UBE3C: variants seen among roughly 807,000 people sequenced by gnomAD.
UBE3C encodes the protein ubiquitin protein ligase E3C.
Under a neutral mutation model 129.4 loss-of-function variants are expected in UBE3C, and 42 were observed. The observed-to-expected ratio is 0.32, with a 90% CI of 0.25 to 0.42. UBE3C has a LOEUF of 0.42. UBE3C is among the 10% of genes least tolerant of loss of function. The probability of loss-of-function intolerance (pLI) is 1.00; values close to 1 mark genes in which losing one functional copy is unlikely to be tolerated. For synonymous variants in UBE3C, 510 were observed against 492.4 expected (o/e 1.04, Z -0.47); for missense variants, 1,049 against 1,319.1 (o/e 0.80, Z 3.17).
chr7:157,161,830 G>A (rs914397011), intron 1 of UBE3C, among the ~76,000 whole-genome samples: 7 of 152,164 alleles, frequency 4.6e-5, no homozygotes, highest in South Asian at 2.1e-4. Flanking sequence ...CCAGCAGTTC[G>A]GGAGGCCAAG....
intron 19 of UBE3C, among the ~76,000 whole-genome samples, chr7:157,249,253 C>T (rs563835064): frequency 7.2e-5 from 11 of 152,220 alleles, no homozygotes; most frequent in Non-Finnish European, 1.3e-4. Flanking sequence ...CCCCACCTCC[C>T]GCAGGCAGCC....
At chr7:157,157,991 G>C (rs191610927) in intron 1 of UBE3C, among the ~76,000 whole-genome samples, 1 of 149,208 alleles carries the variant, frequency 6.7e-6, no homozygotes, top group African/African-American at 2.5e-5. Context: ...TATATATAGA[G>C]AGAGAGAGAG....
chr7:157,171,722 T>C (rs1424305491), intron 4 of UBE3C, among the ~76,000 whole-genome samples: 1 of 88,900 alleles, frequency 1.1e-5, no homozygotes, highest in African/African-American at 4.7e-5. Context: ...TTTTTTTTTT[T>C]TTGAGACAGA....
intron 15 of UBE3C, 104 bp downstream of exon 15, chr7:157,220,880 T>C (rs1340237071): frequency 7.6e-7 from 1 of 1,310,836 alleles, no homozygotes; most frequent in East Asian, 2.6e-5. Flanking sequence ...TATACAGCCA[T>C]GTCACTCCCA....
intron 13 of UBE3C, 116 bp from the exon 14 acceptor site, chr7:157,216,751 C>T (rs1795585617): frequency 2.6e-6 from 2 of 765,410 alleles, no homozygotes; most frequent in East Asian, 2.7e-5. Flanking sequence ...TGGTGTCCGG[C>T]TCGACCTGGG....
chr7:157,232,900 A>G (rs1341001968), intron 18 of UBE3C, among the ~76,000 whole-genome samples: 2 of 152,200 alleles, frequency 1.3e-5, no homozygotes, highest in African/African-American at 4.8e-5. Context: ...TTAAAATATA[A>G]CTCACATTAT....
chr7:157,195,506 T>C (rs1809093545), intron 10 of UBE3C, among the ~76,000 whole-genome samples: 3 of 152,168 alleles, frequency 2.0e-5, no homozygotes, highest in Non-Finnish European at 2.9e-5. Context: ...GCCTGGCTGG[T>C]TTTGTAAATT....
chr7:157,231,559 C>T (rs6962804), intron 18 of UBE3C: 16 of 544,394 alleles, frequency 2.9e-5, no homozygotes, highest in Non-Finnish European at 4.5e-5. Context: ...TGCCAGTATT[C>T]AGAGGTGGAA....
intron 13 of UBE3C, among the ~76,000 whole-genome samples, chr7:157,209,116 G>T (rs1292805042): frequency 6.6e-6 from 1 of 152,202 alleles, no homozygotes. Context: ...CATGTTTGGA[G>T]AAAGATGTCA....
At chr7:157,167,411 AT>A (rs1468629028) in intron 2 of UBE3C, among the ~76,000 whole-genome samples, 1 of 152,216 alleles carries the variant, frequency 6.6e-6, no homozygotes, top group Non-Finnish European at 1.5e-5. Flanking sequence ...CTGAGTTTGA[AT>A]TCTGCTTTAC....
At chr7:157,164,959 A>G (rs1460819992) in intron 2 of UBE3C, among the ~76,000 whole-genome samples, 2 of 152,146 alleles carry the variant, frequency 1.3e-5, no homozygotes, top group African/African-American at 2.4e-5. Flanking sequence ...TGGTGCTGAC[A>G]TTTTTGAACA....
Position 157,156,575 on chromosome 7 carries a change from G to A in UBE3C, c.67-7235G>A, listed in dbSNP as rs533471982. 5.9e-5 allele frequency among the ~76,000 whole-genome samples: 9 copies of A among 151,964 alleles called. No homozygotes were observed. In the South Asian group the frequency reaches 1.9e-3, roughly 32 times the overall value. On this transcript the variant is annotated intron_variant, in intron 1 of 22. Transcript: ENST00000348165. ...ACTACCCTGGCCTCCAAAACTGCTA[G>A]CGTTACAGGCATGAGCACCGCATCC...
chr7:157,206,963 A>C (rs1463087793), intron 11 of UBE3C, among the ~76,000 whole-genome samples: 1 of 152,240 alleles, frequency 6.6e-6, no homozygotes, highest in East Asian at 1.9e-4. Context: ...ACCAAAAGTT[A>C]AGTCGCTGGA....
chr7:157,258,175 G>T (rs1331074582), intron 22 of UBE3C, among the ~76,000 whole-genome samples: 1 of 151,808 alleles, frequency 6.6e-6, no homozygotes, highest in Non-Finnish European at 1.5e-5. Flanking sequence ...TCCAACTCCT[G>T]GGCCCAAGAA....
chr7:157,192,396 G>C (rs1028385690), intron 10 of UBE3C: 7 of 700,528 alleles, frequency 1.0e-5, no homozygotes, highest in Admixed American at 9.0e-5. Flanking sequence ...ACCCTTACGG[G>C]GAAGACCATC....
At position 157,182,300 on chromosome 7, in the gene UBE3C, C is replaced by A; in HGVS notation, c.963C>A (p.Phe321Leu). 1 of 1,613,686 alleles carries A rather than the reference C, an allele frequency of 6.2e-7. No individual in the cohort carries two copies. Residue 321 changes from phenylalanine (F) to leucine (L), a missense_variant, in exon 8 of 23, where the codon TTC (phenylalanine) becomes TTA (leucine). This residue lies in a region of UBE3C where 489 missense variants were observed against 513.8 expected (regional missense o/e 0.95). Transcript: ENST00000348165. ...KSGGAPWLFY[F>L]VLTVGENYLG... ...GTGGAGCACCCTGGCTTTTCTATTT[C>A]GTTTTAACTGTTGGCGAAAATTATT...
chr7:157,173,531 G>A (rs1243550062), intron 4 of UBE3C, among the ~76,000 whole-genome samples: 1 of 151,956 alleles, frequency 6.6e-6, no homozygotes, highest in Non-Finnish European at 1.5e-5. Flanking sequence ...CAACATATAT[G>A]GCTATTTCTT....
intron 13 of UBE3C, among the ~76,000 whole-genome samples, chr7:157,209,724 A>G (rs941253521): frequency 2.6e-5 from 4 of 152,222 alleles, no homozygotes; most frequent in Admixed American, 6.5e-5. Flanking sequence ...TGACAGGCTT[A>G]TCTTTAGTAT....
Position 157,182,250 on chromosome 7 carries a change from G to C in UBE3C, c.913G>C (p.Glu305Gln). 1.2e-6 allele frequency: 2 copies of C among 1,614,232 alleles called. No individual in the cohort carries two copies. Among genetic ancestry groups the C allele is most frequent in the Non-Finnish European group, 8.5e-7 (1 of 1,180,036 alleles). Residue 305 changes from glutamate to glutamine, a missense_variant, in exon 8 of 23, where the codon GAG (glutamate) becomes CAG (glutamine). Glu to Gln is a conservative substitution (Grantham distance 29). Around this residue, in one of 4 missense-constraint regions of UBE3C, gnomAD observed 489 missense variants for 513.8 expected, o/e 0.95. Transcript: ENST00000348165. ...CTTTCTGAATGCACTGTTGTTAATA[G>C]AGAGTAGATGTTCAAGAAAGAGTGG... Reference protein sequence around the residue: ...EPFLNALLLIESRCSRKSGGA... With the variant: ...EPFLNALLLIQSRCSRKSGGA...
Sources: gnomAD v4.1 joint callset for allele counts (sites outside exome capture counted in the v4.1 genomes callset) on GRCh38, gnomAD v4.1.1 for gene constraint, gnomAD v4.1.1 regional missense constraint, MANE v1.5 for transcripts, NCBI Gene and HGNC (gene_info 2026-07-23, HGNC 2026-07-21) for gene names.